The following CACNA1D variants were observed in gnomAD, a reference collection of about 807,000 sequenced individuals.
The protein encoded by CACNA1D is voltage-dependent L-type calcium channel subunit alpha-1D.
A neutral mutation model predicts 257.1 loss-of-function variants in CACNA1D; 55 were observed. That is an observed-to-expected ratio of 0.21 (90% CI 0.17 to 0.27). CACNA1D has a LOEUF of 0.27. Among genes scored for constraint, CACNA1D ranks in the 10% least tolerant of loss-of-function variants. CACNA1D has a pLI of 1.00. For missense variants in CACNA1D, 1,876 were observed against 2,784.0 expected (o/e 0.67, Z 7.34); for synonymous variants, 980 against 1,014.9 (o/e 0.97, Z 0.65).
chr3:53,776,791 T>G, intron 36 of CACNA1D, 61 bp downstream of exon 36: 2 of 1,614,014 alleles, frequency 1.2e-6, no homozygotes, highest in Non-Finnish European at 1.7e-6. Context: ...CAGCTTTTTT[T>G]GTGGAGTGGA....
intron 3 of CACNA1D, among the ~76,000 whole-genome samples, chr3:53,621,629 A>T (rs1469794815): frequency 6.6e-6 from 1 of 152,268 alleles, no homozygotes; most frequent in Non-Finnish European, 1.5e-5. Context: ...CAGTAACTTC[A>T]TCAAAATCAA....
intron 3 of CACNA1D, among the ~76,000 whole-genome samples, chr3:53,537,437 C>T (rs1189446797): frequency 2.6e-5 from 4 of 152,036 alleles, no homozygotes; most frequent in Non-Finnish European, 4.4e-5. Context: ...TCATTTTTTT[C>T]TCAGGTATAT....
intron 3 of CACNA1D, among the ~76,000 whole-genome samples, chr3:53,616,282 C>T (rs889907323): frequency 5.3e-5 from 8 of 152,170 alleles, no homozygotes; most frequent in African/African-American, 1.7e-4. Context: ...ACCGGCCCCC[C>T]GGTTCATATC....
Position 53,702,875 on chromosome 3 carries a change from A to C in CACNA1D, c.1390+65A>C, listed in dbSNP as rs2094641302. ...GTGTGCGGTTCAGACGCCTAGCAGT[A>C]GGCCTTCCTCGACTCTGACCCAGGC... On this transcript the variant is annotated intron_variant, in intron 9 of 47. Transcript: ENST00000350061. 18 of 1,573,260 alleles carry C rather than the reference A, an allele frequency of 1.1e-5. No homozygotes were observed. In the South Asian group the frequency reaches 1.8e-4, roughly 16 times the overall value.
intron 3 of CACNA1D, among the ~76,000 whole-genome samples, chr3:53,539,125 T>C (rs1317238727): frequency 6.6e-6 from 1 of 152,110 alleles, no homozygotes; most frequent in Non-Finnish European, 1.5e-5. Context: ...GTTGTTGTTG[T>C]TCGAGACAGA....
At chr3:53,650,164 C>A (rs1446868101) in intron 3 of CACNA1D, among the ~76,000 whole-genome samples, 1 of 152,184 alleles carries the variant, frequency 6.6e-6, no homozygotes, top group Non-Finnish European at 1.5e-5. Context: ...AATAAGCAGG[C>A]AGGGTGTTTG....
At chr3:53,526,476 C>T (rs1227874996) in intron 3 of CACNA1D, among the ~76,000 whole-genome samples, 2 of 152,332 alleles carry the variant, frequency 1.3e-5, no homozygotes, top group African/African-American at 4.8e-5. Flanking sequence ...ATCTTGTCTT[C>T]CCTGAGAACA....
chr3:53,580,847 A>G (rs553463195), intron 3 of CACNA1D, among the ~76,000 whole-genome samples: 2 of 152,324 alleles, frequency 1.3e-5, no homozygotes, highest in Non-Finnish European at 2.9e-5. Flanking sequence ...ATCTTCTCAT[A>G]TATGTCTGTG....
At chr3:53,602,595 C>G (rs2093457951) in intron 3 of CACNA1D, among the ~76,000 whole-genome samples, 1 of 152,232 alleles carries the variant, frequency 6.6e-6, no homozygotes, top group Admixed American at 6.5e-5. Flanking sequence ...GTTCCCCTTT[C>G]TCCATATCCT....
intron 40 of CACNA1D, chr3:53,796,099 G>A (rs574224713): frequency 7.7e-6 from 2 of 261,418 alleles, no homozygotes; most frequent in African/African-American, 4.4e-5. Flanking sequence ...TTGCAGATGA[G>A]CAGGTTTATT....
intron 3 of CACNA1D, among the ~76,000 whole-genome samples, chr3:53,636,549 G>A (rs920487407): frequency 6.6e-6 from 1 of 152,124 alleles, no homozygotes; most frequent in Non-Finnish European, 1.5e-5. Flanking sequence ...CAAGCAGTCC[G>A]GCCTGCCTTG....
Position 53,774,010 on chromosome 3 carries a change from C to T in CACNA1D, c.4111-577C>T, listed in dbSNP as rs76353943. 1,626 of 155,806 alleles carry T rather than the reference C, an allele frequency of 0.01. 42 individuals are homozygous for T. The highest frequency in any genetic ancestry group is 0.037 in the African/African-American group (1,559 of 41,600). 9.7% of individuals were successfully genotyped at this position (155,806 alleles called of 1,614,324 possible). On this transcript the variant is annotated intron_variant, in intron 33 of 47. Coordinates refer to ENST00000350061, the MANE Select transcript of CACNA1D (RefSeq NM_001128840.3). The surrounding 1 kb of genome is among the most constrained non-coding windows in gnomAD (Gnocchi z 4.3). ...TGAAGATAAAGCCCACTCTTCTGCC[C>T]GGGGCTCACAGCCCCTGCCTGTTGC...
intron 5 of CACNA1D, among the ~76,000 whole-genome samples, chr3:53,662,134 T>C (rs2094209550): frequency 6.6e-6 from 1 of 152,240 alleles, no homozygotes; most frequent in Non-Finnish European, 1.5e-5. Context: ...TTTACACTTA[T>C]CTTGGAATTG....
chr3:53,753,556 C>G lies in CACNA1D; in HGVS notation c.3676-16C>G. On this transcript the variant is annotated splice_polypyrimidine_tract_variant and intron_variant, in intron 28 of 47. Transcript: ENST00000350061. Reference sequence around the variant, plus strand: ...GGCTGAGGCTCTGAGAACGGTCCCTCTGTCTTCATCCATAGCACTACGAGC... The same window carrying G: ...GGCTGAGGCTCTGAGAACGGTCCCTGTGTCTTCATCCATAGCACTACGAGC... The G allele has an allele frequency of 6.6e-7, 1 of 1,523,118 alleles. No individual in the cohort carries two copies. The highest frequency in any genetic ancestry group is 1.1e-5 in the South Asian group (1 of 89,270). 94.4% of individuals were successfully genotyped at this position (1,523,118 alleles called of 1,614,324 possible). A position where few individuals can be genotyped will look rare whatever the true frequency, so the allele number is the denominator to read the frequency against.
At chr3:53,514,625 G>A (rs1301949115) in intron 3 of CACNA1D, among the ~76,000 whole-genome samples, 1 of 152,160 alleles carries the variant, frequency 6.6e-6, no homozygotes. Flanking sequence ...ACTGTGCTGT[G>A]AGCCAGAGGT....
chr3:53,505,724 C>G (rs2107177716), intron 3 of CACNA1D, among the ~76,000 whole-genome samples: 1 of 152,234 alleles, frequency 6.6e-6, no homozygotes, highest in South Asian at 2.1e-4. Context: ...TCTTGTGCAC[C>G]TCTGCTTAAA....
At chr3:53,635,877 A>G (rs11709171) in intron 3 of CACNA1D, among the ~76,000 whole-genome samples, 2 of 152,220 alleles carry the variant, frequency 1.3e-5, no homozygotes, top group African/African-American at 4.8e-5. Context: ...TCCTTAGGAC[A>G]GGCAGGAAAC....
Position 53,805,007 on chromosome 3 carries a change from A to T in CACNA1D, c.5610A>T (p.Arg1870Ser). 6.2e-7 allele frequency: 1 copy of T among 1,614,120 alleles called. No homozygotes were observed. Among genetic ancestry groups the T allele is most frequent in the Non-Finnish European group, 8.5e-7 (1 of 1,180,010 alleles). The change falls in exon 45 of 48, where the codon AGA becomes AGT. Residue 1870 changes from arginine (R) to serine (S), a missense_variant. Around this residue, in one of 10 missense-constraint regions of CACNA1D, gnomAD observed 491 missense variants for 554.3 expected, o/e 0.89. Coordinates refer to ENST00000350061, the MANE Select transcript of CACNA1D (RefSeq NM_001128840.3). Reference protein sequence around the residue: ...WSRQNYGYYSRYPGRNIDSER... With the variant: ...WSRQNYGYYSSYPGRNIDSER... ...GGCAAAACTATGGCTACTACAGCAG[A>T]TACCCAGGCAGAAACATCGACTCTG... is the stretch of plus-strand genomic sequence containing the variant.
At chr3:53,695,500 A>C (rs55819057) in intron 8 of CACNA1D, among the ~76,000 whole-genome samples, 34,362 of 151,950 alleles carry the variant, frequency 0.23, 4,584 homozygotes, top group East Asian at 0.47. Flanking sequence ...AGAAATGTTC[A>C]TGTGGCAGAT....
Sources: allele counts gnomAD v4.1 joint callset (sites outside exome capture counted in the v4.1 genomes callset), GRCh38; gene constraint gnomAD v4.1.1; regional missense constraint gnomAD v4.1.1; non-coding constraint Gnocchi (gnomAD v3.1); transcripts MANE v1.5; gene names NCBI Gene and HGNC (gene_info 2026-07-23, HGNC 2026-07-21).